Variants in GAB1 observed in about 807,000 individuals in gnomAD.
GAB1 encodes the protein GRB2-associated-binding protein 1.
GAB1 carries 19 observed loss-of-function variants against 66.5 expected under a neutral mutation model. That is an observed-to-expected ratio of 0.29 (90% CI 0.20 to 0.42). GAB1 has a LOEUF of 0.42. GAB1 is among the 10% of genes least tolerant of loss of function. The pLI is 1.00. For missense variants in GAB1, 732 were observed against 858.5 expected (o/e 0.85, Z 1.84); for synonymous variants, 294 against 301.4 (o/e 0.98, Z 0.25).
In GAB1 at chr4:143,472,700, T is replaced by C. The variant is rs1736136310; in HGVS notation, c.*3511T>C. On this transcript the variant is annotated 3_prime_UTR_variant, in exon 10 of 10. Transcript: ENST00000262994. ...GGTGGGCTGATCCTTCCCATTTCTG[T>C]CTTCGGGTCATTCTGGTAGGTCTTC... 6.6e-6 allele frequency: 1 copy of C among 152,132 alleles called. No homozygotes were observed. Among genetic ancestry groups the C allele is most frequent in the Admixed American group, 6.6e-5 (1 of 15,260 alleles). 9.4% of individuals were successfully genotyped at this position (152,132 alleles called of 1,614,324 possible).
rs2149637491 is a variant in GAB1, at chr4:143,337,050, T to C, written c.-139T>C. On this transcript the variant is annotated 5_prime_UTR_variant, in exon 1 of 10. Coordinates refer to ENST00000262994, the MANE Select transcript of GAB1 (RefSeq NM_002039.4). ...CTCGTGGAACCCGCGCACCGTGGAGTCTGTCCGCCCAGTCCGTCCGGGGTG... is the reference window on the plus strand; with the variant it reads ...CTCGTGGAACCCGCGCACCGTGGAGCCTGTCCGCCCAGTCCGTCCGGGGTG... The C allele has an allele frequency of 1.5e-6, 1 of 677,312 alleles. No homozygotes were observed. The highest frequency in any genetic ancestry group is 2.5e-6 in the Non-Finnish European group (1 of 400,676). The allele number at this position is 677,312 out of a possible 1,614,324, so 42.0% of individuals were successfully genotyped here.
chr4:143,390,359 C>T (rs148192460), intron 1 of GAB1, among the ~76,000 whole-genome samples: 60 of 151,072 alleles, frequency 4.0e-4, no homozygotes, highest in African/African-American at 1.1e-3. Flanking sequence ...GAGATACCAC[C>T]GAAGAAAAAT....
chr4:143,339,677 C>T (rs1048875686), intron 1 of GAB1, among the ~76,000 whole-genome samples: 10 of 152,182 alleles, frequency 6.6e-5, no homozygotes, highest in Admixed American at 3.3e-4. Flanking sequence ...TCTTTGGGAC[C>T]ACGAGACAAG....
chr4:143,346,346 C>G (rs921910286), intron 1 of GAB1, among the ~76,000 whole-genome samples: 2 of 152,136 alleles, frequency 1.3e-5, no homozygotes, highest in Admixed American at 6.5e-5. Flanking sequence ...GTGGTTAGGC[C>G]ACTTTCTGAC....
At chr4:143,361,986 T>G (rs576936397) in intron 1 of GAB1, among the ~76,000 whole-genome samples, 2 of 151,922 alleles carry the variant, frequency 1.3e-5, no homozygotes, top group Admixed American at 1.3e-4. Flanking sequence ...CTTGAACTCC[T>G]GGGCTCAAGC....
At chr4:143,422,376 A>G (rs1733076556) in intron 2 of GAB1, among the ~76,000 whole-genome samples, 1 of 152,208 alleles carries the variant, frequency 6.6e-6, no homozygotes, top group Admixed American at 6.5e-5. Context: ...ATCTTCAGAG[A>G]AAATAAATGT....
chr4:143,371,767 T>A (rs1360911909), intron 1 of GAB1, among the ~76,000 whole-genome samples: 3 of 152,132 alleles, frequency 2.0e-5, no homozygotes, highest in Non-Finnish European at 4.4e-5. Context: ...TTTCTACATG[T>A]GGCTAGCCAG....
chr4:143,399,940 C>CTTTTTT (rs34740795), intron 1 of GAB1, among the ~76,000 whole-genome samples: 1 of 134,774 alleles, frequency 7.4e-6, no homozygotes, highest in Non-Finnish European at 1.6e-5. Context: ...GAGTCTTGCT[C>CTTTTTT]TTTTTTTTTT....
intron 1 of GAB1, among the ~76,000 whole-genome samples, chr4:143,348,075 G>A (rs887446916): frequency 6.6e-6 from 1 of 152,034 alleles, no homozygotes; most frequent in South Asian, 2.1e-4. Flanking sequence ...TTTGTTAGTT[G>A]GTTCTTCATC....
chr4:143,440,412 T>TG, intron 6 of GAB1, 30 bp downstream of exon 6: 1 of 1,551,214 alleles, frequency 6.4e-7, no homozygotes, highest in Non-Finnish European at 8.7e-7. Context: ...GTAAAAGGCT[T>TG]GGGGAGTGCC....
chr4:143,449,676 G>A (rs569233433), intron 6 of GAB1, among the ~76,000 whole-genome samples: 10 of 151,818 alleles, frequency 6.6e-5, no homozygotes, highest in South Asian at 2.1e-4. Flanking sequence ...TTTTGAGCCT[G>A]TGTGTGTCTC....
chr4:143,362,634 A>C (rs1293524214), intron 1 of GAB1, among the ~76,000 whole-genome samples: 1 of 152,090 alleles, frequency 6.6e-6, no homozygotes, highest in Non-Finnish European at 1.5e-5. Context: ...CGCTGATGGG[A>C]GTGTCTCTTA....
At chr4:143,396,136 A>G in intron 1 of GAB1, 1 of 378,324 alleles carries the variant, frequency 2.6e-6, no homozygotes. Flanking sequence ...ACTTGACCCT[A>G]GGAGCATTCT....
intron 6 of GAB1, among the ~76,000 whole-genome samples, chr4:143,456,331 C>T (rs1578746432): frequency 1.3e-5 from 2 of 152,042 alleles, no homozygotes; most frequent in Admixed American, 6.5e-5. Flanking sequence ...GTGGCGGGCA[C>T]CTGTAGTCCC....
chr4:143,427,548 C>A (rs201896199), intron 2 of GAB1, among the ~76,000 whole-genome samples: 10 of 149,866 alleles, frequency 6.7e-5, no homozygotes, highest in East Asian at 5.9e-4. Context: ...AAAAAAAAAA[C>A]AACAACAACA....
chr4:143,347,986 C>T (rs1212161650), intron 1 of GAB1, among the ~76,000 whole-genome samples: 4 of 152,198 alleles, frequency 2.6e-5, no homozygotes, highest in African/African-American at 9.7e-5. Flanking sequence ...TATTTAAACA[C>T]CAGTCTCTGA....
intron 6 of GAB1, among the ~76,000 whole-genome samples, chr4:143,441,648 T>C (rs1412682459): frequency 6.6e-6 from 1 of 152,194 alleles, no homozygotes; most frequent in Non-Finnish European, 1.5e-5. Flanking sequence ...TGCATTTCTG[T>C]TTTATGGGAA....
intron 8 of GAB1, among the ~76,000 whole-genome samples, chr4:143,463,077 T>A (rs889447730): frequency 1.3e-5 from 2 of 152,182 alleles, no homozygotes; most frequent in African/African-American, 4.8e-5. Flanking sequence ...CAATTCCATA[T>A]CCTCATGCTG....
At position 143,362,336 on chromosome 4, in the gene GAB1, G is replaced by A. The variant is rs1029967023; in HGVS notation, c.72+25076G>A. Among the ~76,000 whole-genome samples the A allele has an allele frequency of 3.3e-5, 5 of 152,080 alleles. No individual in the cohort carries two copies. The East Asian group carries it at 9.6e-4, about 29-fold the overall frequency. On this transcript the variant is annotated intron_variant, in intron 1 of 9. Transcript: ENST00000262994. ...GGTCCTGAGCCAGACCCCAAGAGAC[G>A]GGCTCTTAGATCTCCTGCAAGAAAG...
Sources: allele counts gnomAD v4.1 joint callset (sites outside exome capture counted in the v4.1 genomes callset), GRCh38; gene constraint gnomAD v4.1.1; transcripts MANE v1.5; gene names NCBI Gene and HGNC (gene_info 2026-07-23, HGNC 2026-07-21).